Variants in GMDS observed in about 807,000 individuals in gnomAD.
The protein encoded by GMDS is GDP-mannose 4,6 dehydratase.
In GMDS, 20 loss-of-function variants were observed where a neutral mutation model predicts 49.9. The ratio of observed to expected loss-of-function variants is 0.40; its 90% CI spans 0.28 to 0.58. The LOEUF is 0.58. Ranked by LOEUF, GMDS falls within the 20% of genes least tolerant of loss-of-function variation. The probability of loss-of-function intolerance (pLI) is 0.42; values close to 1 mark genes in which losing one functional copy is unlikely to be tolerated. For synonymous variants in GMDS, 177 were observed against 178.6 expected, an observed-to-expected ratio of 0.99 and a Z score of 0.07; for missense variants, 362 against 481.4, an observed-to-expected ratio of 0.75 and a Z score of 2.32.
intron 9 of GMDS, among the ~76,000 whole-genome samples, chr6:1,656,819 G>A (rs898815213): frequency 5.9e-5 from 9 of 151,792 alleles, no homozygotes; most frequent in Non-Finnish European, 1.2e-4. Flanking sequence ...GGCTGTACAC[G>A]GTGCCTCCTT....
intron 1 of GMDS, among the ~76,000 whole-genome samples, chr6:2,217,651 C>T (rs1780402092): frequency 6.6e-6 from 1 of 152,154 alleles, no homozygotes. Context: ...AACTTGCAAA[C>T]ATCTTAACAC....
chr6:1,724,886 C>T (rs750690741), intron 9 of GMDS, among the ~76,000 whole-genome samples: 14 of 152,206 alleles, frequency 9.2e-5, no homozygotes, highest in Admixed American at 7.9e-4. Flanking sequence ...GCCCTGTGCC[C>T]GGACAATGCA....
At chr6:2,114,002 T>C (rs1230569178) in intron 4 of GMDS, among the ~76,000 whole-genome samples, 1 of 152,172 alleles carries the variant, frequency 6.6e-6, no homozygotes, top group Non-Finnish European at 1.5e-5. Flanking sequence ...TTACTTACAG[T>C]ACAACCACAC....
chr6:1,754,256 C>T (rs569251922), intron 7 of GMDS, among the ~76,000 whole-genome samples: 1 of 152,280 alleles, frequency 6.6e-6, no homozygotes, highest in African/African-American at 2.4e-5. Context: ...ACTATAAACA[C>T]CTCTATGCAA....
At chr6:1,956,888 GC>G (rs1763667085) in intron 6 of GMDS, among the ~76,000 whole-genome samples, 1 of 149,770 alleles carries the variant, frequency 6.7e-6, no homozygotes, top group African/African-American at 2.5e-5. Flanking sequence ...TGCAACCTCT[GC>G]CTCCTGGGTT....
intron 1 of GMDS, among the ~76,000 whole-genome samples, chr6:2,208,040 A>G (rs1046081823): frequency 6.6e-6 from 1 of 151,950 alleles, no homozygotes; most frequent in African/African-American, 2.4e-5. Context: ...GAAAAGTTTT[A>G]CTTATAAGGT....
intron 9 of GMDS, among the ~76,000 whole-genome samples, chr6:1,719,352 G>A (rs1453115192): frequency 1.3e-5 from 2 of 152,158 alleles, no homozygotes; most frequent in Non-Finnish European, 2.9e-5. Flanking sequence ...AGGTGGCGCA[G>A]AGCCCACGGT....
chr6:1,721,019 G>A (rs948417707), intron 9 of GMDS, among the ~76,000 whole-genome samples: 4 of 152,188 alleles, frequency 2.6e-5, no homozygotes, highest in African/African-American at 9.7e-5. Context: ...AGACAGAGCT[G>A]AGGGAAGCTC....
intron 6 of GMDS, chr6:1,952,197 A>C (rs1308632526): frequency 6.3e-6 from 1 of 158,992 alleles, no homozygotes; most frequent in African/African-American, 2.4e-5. Flanking sequence ...TTTTGGGAGA[A>C]TACCTACAGG....
At chr6:2,020,862 G>C (rs1379875874) in intron 4 of GMDS, among the ~76,000 whole-genome samples, 1 of 152,204 alleles carries the variant, frequency 6.6e-6, no homozygotes, top group Non-Finnish European at 1.5e-5. Context: ...TATTGTTTCT[G>C]CTTAAACAGC....
chr6:2,044,900 G>A (rs191998237), intron 4 of GMDS, among the ~76,000 whole-genome samples: 1 of 144,382 alleles, frequency 6.9e-6, no homozygotes, highest in African/African-American at 2.5e-5. Flanking sequence ...GTGTGTGTGT[G>A]TTTTTTTCAG....
chr6:1,930,410 T>C, intron 6 of GMDS, 180 bp from the exon 7 acceptor site: 1 of 515,614 alleles, frequency 1.9e-6, no homozygotes, highest in Non-Finnish European at 3.4e-6. Context: ...TTAGACAAGT[T>C]AAGAAGCCCT....
chr6:2,193,720 A>ATTTTTT (rs35997013), intron 1 of GMDS, among the ~76,000 whole-genome samples: 18 of 111,784 alleles, frequency 1.6e-4, no homozygotes, highest in East Asian at 2.6e-4. Context: ...TGAAAATGCT[A>ATTTTTT]TTTTTTTTTT....
intron 6 of GMDS, among the ~76,000 whole-genome samples, chr6:1,944,984 A>C (rs1175603690): frequency 1.3e-5 from 2 of 152,196 alleles, no homozygotes; most frequent in African/African-American, 2.4e-5. Flanking sequence ...CAAGGAAAAT[A>C]AGTAACATTG....
At chr6:1,911,034 A>T (rs182899739) in intron 7 of GMDS, among the ~76,000 whole-genome samples, 2 of 152,318 alleles carry the variant, frequency 1.3e-5, no homozygotes, top group African/African-American at 4.8e-5. Context: ...CACAGCCTGG[A>T]CCCTACAGTC....
intron 4 of GMDS, among the ~76,000 whole-genome samples, chr6:2,063,412 A>G (rs1771310741): frequency 6.6e-6 from 1 of 152,230 alleles, no homozygotes. Context: ...GTGTGTGTCC[A>G]AAAGGCCAAG....
intron 4 of GMDS, among the ~76,000 whole-genome samples, chr6:1,989,402 TAA>T (rs1421087064): frequency 1.3e-5 from 2 of 151,844 alleles, no homozygotes; most frequent in East Asian, 3.9e-4. Context: ...GAGAGAGAGA[TAA>T]AGAGTTTGCT....
At chr6:2,037,202 G>A (rs532314916) in intron 4 of GMDS, among the ~76,000 whole-genome samples, 123 of 152,222 alleles carry the variant, frequency 8.1e-4, no homozygotes, top group African/African-American at 2.9e-3. Flanking sequence ...CCCTCAATGA[G>A]AACTGCTTCT....
At chr6:1,761,521 T>A (rs1051935227) in intron 7 of GMDS, among the ~76,000 whole-genome samples, 1 of 152,230 alleles carries the variant, frequency 6.6e-6, no homozygotes, top group African/African-American at 2.4e-5. Context: ...TAATGTCATT[T>A]ACGCCAGTGC....
Sources: allele counts gnomAD v4.1 joint callset (sites outside exome capture counted in the v4.1 genomes callset), GRCh38; gene constraint gnomAD v4.1.1; transcripts MANE v1.5; gene names NCBI Gene and HGNC (gene_info 2026-07-23, HGNC 2026-07-21).